Variants in IGSF21 observed in about 807,000 individuals in gnomAD.
IGSF21 encodes immunoglobin superfamily member 21.
In IGSF21, 28 loss-of-function variants were observed where a neutral mutation model predicts 46.8. That is an observed-to-expected ratio of 0.60 (90% CI 0.44 to 0.82). The LOEUF (loss-of-function observed/expected upper bound fraction) is 0.82. IGSF21 is among the 40% of genes least tolerant of loss of function. The pLI is 0.00. For synonymous variants in IGSF21, 284 were observed against 273.6 expected, an observed-to-expected ratio of 1.04 and a Z score of -0.38; for missense variants, 624 against 665.5, an observed-to-expected ratio of 0.94 and a Z score of 0.69.
chr1:18,320,603 G>A (rs2085591796), intron 3 of IGSF21, among the ~76,000 whole-genome samples: 1 of 152,192 alleles, frequency 6.6e-6, no homozygotes, highest in Admixed American at 6.5e-5. Context: ...GAATGCTCAG[G>A]TTTGCTTTGC....
At chr1:18,212,956 TAGA>T (rs2084407512) in intron 1 of IGSF21, among the ~76,000 whole-genome samples, 1 of 152,234 alleles carries the variant, frequency 6.6e-6, no homozygotes, top group African/African-American at 2.4e-5. Flanking sequence ...ACTAGTATGG[TAGA>T]AAGGTCATAG....
At chr1:18,253,091 A>G (rs1390545775) in intron 2 of IGSF21, among the ~76,000 whole-genome samples, 2 of 152,022 alleles carry the variant, frequency 1.3e-5, no homozygotes, top group Non-Finnish European at 2.9e-5. Flanking sequence ...TGGAATTGGG[A>G]CAAGCTTAGG....
intron 1 of IGSF21, among the ~76,000 whole-genome samples, chr1:18,152,777 G>T (rs948909758): frequency 1.3e-5 from 2 of 152,090 alleles, no homozygotes; most frequent in Non-Finnish European, 2.9e-5. Flanking sequence ...AGTTCCTAGT[G>T]CCCAGAGCCC....
intron 1 of IGSF21, among the ~76,000 whole-genome samples, chr1:18,197,410 C>T (rs75441951): frequency 0.015 from 2,331 of 152,312 alleles, 51 homozygotes; most frequent in African/African-American, 0.053. Context: ...GCTGTGTGAC[C>T]TTGGATAAGT....
chr1:18,375,322 T>C (rs953558634), intron 6 of IGSF21, among the ~76,000 whole-genome samples: 1 of 152,184 alleles, frequency 6.6e-6, no homozygotes, highest in Admixed American at 6.5e-5. Context: ...AGTGAATGAA[T>C]GAATCTGGGG....
chr1:18,238,056 G>T (rs1158113485), intron 2 of IGSF21, among the ~76,000 whole-genome samples: 1 of 152,094 alleles, frequency 6.6e-6, no homozygotes. Context: ...GTGTGTTTTT[G>T]TGGGAGAAAG....
At chr1:18,307,974 T>C (rs2085443142) in intron 3 of IGSF21, among the ~76,000 whole-genome samples, 1 of 152,160 alleles carries the variant, frequency 6.6e-6, no homozygotes, top group East Asian at 1.9e-4. Context: ...GCAATCGTCA[T>C]CTTAAGGAGA....
chr1:18,343,172 T>G (rs922307597), intron 4 of IGSF21, among the ~76,000 whole-genome samples: 1 of 152,230 alleles, frequency 6.6e-6, no homozygotes, highest in Non-Finnish European at 1.5e-5. Context: ...CTTTGTGGCT[T>G]TGATTGGCAT....
At chr1:18,119,654 C>T (rs555781406) in intron 1 of IGSF21, among the ~76,000 whole-genome samples, 2 of 152,282 alleles carry the variant, frequency 1.3e-5, no homozygotes, top group South Asian at 4.2e-4. Flanking sequence ...TGCCCTCAAG[C>T]TTTAATGCCC....
chr1:18,282,391 C>G (rs1016810269), intron 2 of IGSF21, among the ~76,000 whole-genome samples: 3 of 152,096 alleles, frequency 2.0e-5, no homozygotes, highest in African/African-American at 7.2e-5. Context: ...CTATCTGAGG[C>G]CCTTTCTATT....
At chr1:18,117,266 A>G (rs1412603917) in intron 1 of IGSF21, among the ~76,000 whole-genome samples, 1 of 152,210 alleles carries the variant, frequency 6.6e-6, no homozygotes, top group Non-Finnish European at 1.5e-5. Context: ...GTGAGGAGGG[A>G]AAGCCAGGCC....
intron 1 of IGSF21, among the ~76,000 whole-genome samples, chr1:18,219,553 G>A (rs979206053): frequency 4.6e-5 from 7 of 152,186 alleles, no homozygotes; most frequent in Non-Finnish European, 1.0e-4. Context: ...CAGCGGAGGG[G>A]TGAGCTAGTT....
chr1:18,347,004 G>A lies in IGSF21; in HGVS notation c.424+11994G>A, dbSNP rs144290699. ...GACCTCCCAGCCAGCTGAGGTCACC[G>A]GCTGAGCGCCAGTTGAGAGAGGGGC... On this transcript the variant is annotated intron_variant, in intron 4 of 9. Transcript: ENST00000251296. Among the ~76,000 whole-genome samples, 851 of 152,320 alleles carry A rather than the reference G, an allele frequency of 5.6e-3. 5 individuals carry two copies. The highest frequency in any genetic ancestry group is 0.016 in the South Asian group (79 of 4,822).
At chr1:18,287,177 T>C in intron 2 of IGSF21, among the ~76,000 whole-genome samples, 1 of 49,866 alleles carries the variant, frequency 2.0e-5, no homozygotes, top group African/African-American at 4.8e-5. Context: ...CGAGACTCCG[T>C]CTCAAAAAAA....
intron 3 of IGSF21, among the ~76,000 whole-genome samples, chr1:18,303,849 A>C (rs1309672069): frequency 2.6e-5 from 4 of 152,158 alleles, no homozygotes; most frequent in Non-Finnish European, 5.9e-5. Flanking sequence ...GGACACAGGC[A>C]TCCATGTATT....
chr1:18,178,207 A>C (rs1000376133), intron 1 of IGSF21, among the ~76,000 whole-genome samples: 1 of 152,188 alleles, frequency 6.6e-6, no homozygotes, highest in Non-Finnish European at 1.5e-5. Context: ...GCCGCAGGCC[A>C]GCCCCAAAAT....
chr1:18,214,768 C>G (rs181126972), intron 1 of IGSF21, among the ~76,000 whole-genome samples: 9 of 152,204 alleles, frequency 5.9e-5, no homozygotes, highest in Non-Finnish European at 8.8e-5. Flanking sequence ...CGGAGTCTTG[C>G]TCTGTCGCCA....
intron 4 of IGSF21, among the ~76,000 whole-genome samples, chr1:18,353,313 G>C (rs72938751): frequency 3.0e-4 from 46 of 152,050 alleles, no homozygotes; most frequent in African/African-American, 1.1e-3. Context: ...GCTTAGGATG[G>C]GGCTGGAGAT....
chr1:18,108,133 G>A lies in IGSF21; in HGVS notation c.5G>A (p.Arg2Gln). The stretch of plus-strand genomic sequence containing the variant: ...CGCCGCCAGCTCCCGGGCACCATGC[G>A]AACCGCCCCGAGCCTCCGCCGCTGC... The part of the protein sequence containing the change: M[R>Q]TAPSLRRCVC... Residue 2 changes from arginine (R) to glutamine (Q), a missense_variant, in exon 1 of 10, where the codon CGA becomes CAA. Physicochemically the swap from Arg to Gln is conservative, Grantham distance 43. Transcript: ENST00000251296. 1.4e-6 allele frequency: 2 copies of A among 1,418,770 alleles called. No individual in the cohort carries two copies. The highest frequency in any genetic ancestry group is 1.8e-6 in the Non-Finnish European group (2 of 1,082,702). The allele number at this position is 1,418,770 out of a possible 1,614,324, so 87.9% of individuals were successfully genotyped here. A position where few individuals can be genotyped will look rare whatever the true frequency, so the allele number is the denominator to read the frequency against.
Sources: allele counts gnomAD v4.1 joint callset (sites outside exome capture counted in the v4.1 genomes callset), GRCh38; gene constraint gnomAD v4.1.1; transcripts MANE v1.5; gene names NCBI Gene and HGNC (gene_info 2026-07-23, HGNC 2026-07-21).